Variants in ERBB4 observed in about 807,000 individuals in gnomAD.
ERBB4 encodes the protein receptor tyrosine-protein kinase erbB-4.
A neutral mutation model predicts 158.0 loss-of-function variants in ERBB4; 42 were observed. The ratio of observed to expected loss-of-function variants is 0.27; its 90% confidence interval spans 0.21 to 0.34. The LOEUF (loss-of-function observed/expected upper bound fraction) is 0.34. Ranked by LOEUF, ERBB4 falls within the 10% of genes least tolerant of loss-of-function variation. The pLI is 1.00. For synonymous variants in ERBB4, 583 were observed against 558.7 expected (o/e 1.04, Z -0.61); for missense variants, 1,333 against 1,624.1 (o/e 0.82, Z 3.08).
At chr2:211,754,213 G>A (rs2075226411) in intron 4 of ERBB4, among the ~76,000 whole-genome samples, 1 of 150,816 alleles carries the variant, frequency 6.6e-6, no homozygotes, top group Admixed American at 6.7e-5. Context: ...CATATTCAGT[G>A]TGAATTAGTT....
At chr2:212,080,880 G>A (rs2078422418) in intron 2 of ERBB4, among the ~76,000 whole-genome samples, 1 of 152,136 alleles carries the variant, frequency 6.6e-6, no homozygotes, top group East Asian at 1.9e-4. Context: ...ATGTTTTGAA[G>A]CAACCTCATA....
chr2:212,400,096 A>C (rs2091158178), intron 1 of ERBB4, among the ~76,000 whole-genome samples: 1 of 152,146 alleles, frequency 6.6e-6, no homozygotes, highest in African/African-American at 2.4e-5. Context: ...AGTGAAGGAA[A>C]AGTGGCAAGA....
intron 25 of ERBB4, among the ~76,000 whole-genome samples, chr2:211,408,811 G>A (rs1446226463): frequency 6.6e-6 from 1 of 152,174 alleles, no homozygotes; most frequent in African/African-American, 2.4e-5. Flanking sequence ...TGGGATTCTG[G>A]TGTAAAAATA....
intron 1 of ERBB4, among the ~76,000 whole-genome samples, chr2:212,127,962 G>A (rs2079993826): frequency 2.0e-5 from 3 of 152,116 alleles, no homozygotes; most frequent in South Asian, 2.1e-4. Context: ...AGAATAAATC[G>A]CTATTGTTTT....
At chr2:212,294,079 T>C (rs1415909717) in intron 1 of ERBB4, among the ~76,000 whole-genome samples, 2 of 151,992 alleles carry the variant, frequency 1.3e-5, no homozygotes, top group Non-Finnish European at 2.9e-5. Flanking sequence ...GGATAATCTC[T>C]TGCATTTACT....
At chr2:212,505,670 C>A (rs550987912) in intron 1 of ERBB4, among the ~76,000 whole-genome samples, 3 of 148,840 alleles carry the variant, frequency 2.0e-5, no homozygotes, top group African/African-American at 7.3e-5. Flanking sequence ...AAACAGCAGG[C>A]TTGTTTGATT....
intron 16 of ERBB4, chr2:211,657,518 A>G (rs1451563860): frequency 2.0e-6 from 1 of 491,102 alleles, no homozygotes; most frequent in Non-Finnish European, 3.7e-6. Flanking sequence ...CCAAAAAAAA[A>G]AAAAAGAAAT....
intron 3 of ERBB4, among the ~76,000 whole-genome samples, chr2:211,935,830 G>T (rs2080307376): frequency 6.6e-6 from 1 of 152,044 alleles, no homozygotes; most frequent in African/African-American, 2.4e-5. Flanking sequence ...CGTGGTTATT[G>T]CAAGGATGAA....
chr2:212,042,115 T>G (rs2077155922), intron 2 of ERBB4, among the ~76,000 whole-genome samples: 1 of 152,068 alleles, frequency 6.6e-6, no homozygotes, highest in African/African-American at 2.4e-5. Context: ...TAAGCTGTAT[T>G]CAAAGCATTT....
intron 3 of ERBB4, among the ~76,000 whole-genome samples, chr2:211,873,550 AT>A (rs1255695661): frequency 1.7e-4 from 26 of 152,366 alleles, no homozygotes; most frequent in African/African-American, 3.8e-4. Flanking sequence ...ACACCTACAT[AT>A]TTTTTTCCCC....
chr2:211,622,188 T>C (rs1261384290), intron 18 of ERBB4, among the ~76,000 whole-genome samples: 1 of 152,216 alleles, frequency 6.6e-6, no homozygotes, highest in Non-Finnish European at 1.5e-5. Flanking sequence ...TTATTAAAGA[T>C]GTAAATACAA....
chr2:212,381,690 A>G lies in ERBB4; in HGVS notation c.82+156759T>C, dbSNP rs945264622. Among the ~76,000 whole-genome samples the G allele has an allele frequency of 3.3e-5, 5 of 151,332 alleles. No homozygotes were observed. In the East Asian group the frequency reaches 9.7e-4, roughly 29 times the overall value. On this transcript the variant is annotated intron_variant, in intron 1 of 27. Coordinates refer to ENST00000342788, the MANE Select transcript of ERBB4 (RefSeq NM_005235.3). The stretch of plus-strand genomic sequence containing the variant: ...TGACCAGAAAAAAATCAGAGCCCCA[A>G]TAAAAATCCAGTTGAGCTGTCTAGG...
chr2:211,769,020 T>C (rs2075626696), intron 4 of ERBB4, among the ~76,000 whole-genome samples: 1 of 152,222 alleles, frequency 6.6e-6, no homozygotes, highest in East Asian at 1.9e-4. Context: ...TGTGAATGCA[T>C]AAAACTGAAT....
chr2:212,337,562 G>T, intron 1 of ERBB4, among the ~76,000 whole-genome samples: 1 of 151,998 alleles, frequency 6.6e-6, no homozygotes, highest in East Asian at 1.9e-4. Context: ...AATCACCAGG[G>T]GGCTTATTAA....
At chr2:211,614,231 C>T (rs945479440) in intron 19 of ERBB4, among the ~76,000 whole-genome samples, 1 of 151,914 alleles carries the variant, frequency 6.6e-6, no homozygotes, top group South Asian at 2.1e-4. Context: ...AACAATTGAA[C>T]TCATGAAGAT....
intron 3 of ERBB4, among the ~76,000 whole-genome samples, chr2:211,905,959 T>C (rs1295373157): frequency 1.3e-5 from 2 of 151,284 alleles, no homozygotes; most frequent in Non-Finnish European, 2.9e-5. Flanking sequence ...GCCAGGACAG[T>C]ATGGCTGGAA....
intron 1 of ERBB4, among the ~76,000 whole-genome samples, chr2:212,156,582 A>T (rs1208277814): frequency 2.0e-5 from 3 of 152,150 alleles, no homozygotes; most frequent in African/African-American, 7.2e-5. Flanking sequence ...AGACAAGGAA[A>T]AATCACTGTT....
chr2:212,520,395 T>C (rs1446467415), intron 1 of ERBB4, among the ~76,000 whole-genome samples: 1 of 151,902 alleles, frequency 6.6e-6, no homozygotes, highest in Non-Finnish European at 1.5e-5. Flanking sequence ...TTTTATTGGG[T>C]TACTATTCTT....
chr2:212,178,144 A>G lies in ERBB4; in HGVS notation c.83-53241T>C, dbSNP rs116586298. Among the ~76,000 whole-genome samples, 1,197 of 151,864 alleles carry G rather than the reference A, an allele frequency of 7.9e-3. 7 individuals carry two copies. The highest frequency in any genetic ancestry group is 0.02 in the Middle Eastern group (6 of 294). ...ATGCTTAAGAAATATCAAGGGTCTT[A>G]TTGTCTATGTTAAAGATTCAGCCTT... On this transcript the variant is annotated intron_variant, in intron 1 of 27. Coordinates refer to ENST00000342788, the MANE Select transcript of ERBB4 (RefSeq NM_005235.3).
Sources: gnomAD v4.1 joint callset for allele counts (sites outside exome capture counted in the v4.1 genomes callset) on GRCh38, gnomAD v4.1.1 for gene constraint, MANE v1.5 for transcripts, NCBI Gene and HGNC (gene_info 2026-07-23, HGNC 2026-07-21) for gene names.